ZNF385D: variants seen among roughly 807,000 people sequenced by gnomAD.
The protein encoded by ZNF385D is zinc finger protein 385D.
Under a neutral mutation model 35.8 loss-of-function variants are expected in ZNF385D, and 15 were observed. The ratio of observed to expected loss-of-function variants is 0.42; its 90% CI spans 0.28 to 0.64. The LOEUF (loss-of-function observed/expected upper bound fraction) is 0.64. Ranked by LOEUF, ZNF385D falls within the 30% of genes least tolerant of loss-of-function variation. The probability of loss-of-function intolerance (pLI) is 0.23; values close to 1 mark genes in which losing one functional copy is unlikely to be tolerated. For missense variants in ZNF385D, 474 were observed against 494.6 expected (o/e 0.96, Z 0.39); for synonymous variants, 212 against 186.8 (o/e 1.13, Z -1.10).
chr3:22,077,081 A>G (rs760034163), intron 3 of ZNF385D, among the ~76,000 whole-genome samples: 1 of 151,960 alleles, frequency 6.6e-6, no homozygotes, highest in Non-Finnish European at 1.5e-5. Flanking sequence ...CATAATAACC[A>G]TATTTAAGGA....
intron 3 of ZNF385D, among the ~76,000 whole-genome samples, chr3:21,780,012 T>C (rs1260069844): frequency 6.6e-6 from 1 of 151,936 alleles, no homozygotes; most frequent in Non-Finnish European, 1.5e-5. Context: ...TAAAGCAAGA[T>C]GGGAACATCT....
chr3:21,742,401 C>A (rs1293156546), intron 1 of ZNF385D, among the ~76,000 whole-genome samples: 1 of 152,186 alleles, frequency 6.6e-6, no homozygotes, highest in African/African-American at 2.4e-5. Flanking sequence ...AATACTCTCC[C>A]ATTTAAATTG....
intron 3 of ZNF385D, among the ~76,000 whole-genome samples, chr3:21,969,531 T>C (rs1703114319): frequency 1.3e-5 from 2 of 152,314 alleles, no homozygotes; most frequent in South Asian, 4.1e-4. Flanking sequence ...CAGTTCTTTA[T>C]AGCATTAGGT....
chr3:21,796,934 C>T (rs1024410098), intron 3 of ZNF385D, among the ~76,000 whole-genome samples: 2 of 152,172 alleles, frequency 1.3e-5, no homozygotes, highest in South Asian at 2.1e-4. Flanking sequence ...GATCCTTCCC[C>T]CTGCCCATAC....
At chr3:21,784,989 T>A (rs143795833) in intron 3 of ZNF385D, among the ~76,000 whole-genome samples, 306 of 152,264 alleles carry the variant, frequency 2.0e-3, no homozygotes, top group African/African-American at 7.0e-3. Context: ...TTAAATGCTA[T>A]CTGAGGCAGG....
intron 3 of ZNF385D, among the ~76,000 whole-genome samples, chr3:21,845,143 T>G (rs1695924318): frequency 6.6e-6 from 1 of 151,982 alleles, no homozygotes; most frequent in Non-Finnish European, 1.5e-5. Context: ...AGTCATTTAT[T>G]CTCTAGTCTA....
Position 21,482,371 on chromosome 3 carries a change from C to G in ZNF385D, c.439+28490G>C, listed in dbSNP as rs566518716. Among the ~76,000 whole-genome samples the G allele has an allele frequency of 3.7e-4, 56 of 152,284 alleles. 1 individual carries two copies. The Middle Eastern group carries it at 0.014, about 37-fold the overall frequency. ...TGTATGATCTAAGGCTGCTTTTGCA[C>G]TACAATGGCAGAATCAGTAACTCTG... is the stretch of plus-strand genomic sequence containing the variant. On this transcript the variant is annotated intron_variant, in intron 4 of 7. Transcript: ENST00000281523.
chr3:22,212,135 T>G (rs1697563242), intron 2 of ZNF385D, among the ~76,000 whole-genome samples: 1 of 151,960 alleles, frequency 6.6e-6, no homozygotes, highest in Non-Finnish European at 1.5e-5. Flanking sequence ...TGTCAAAAAG[T>G]TGGGCAGTTT....
At chr3:22,179,386 G>T (rs1182643979) in intron 2 of ZNF385D, among the ~76,000 whole-genome samples, 4 of 152,298 alleles carry the variant, frequency 2.6e-5, no homozygotes, top group African/African-American at 7.2e-5. Context: ...GCTCTCTTGT[G>T]TGTCTGTTAT....
In ZNF385D at chr3:22,232,464, C is replaced by T. The variant is rs189901144; in HGVS notation, c.107-63429G>A. ...GTTTTGTTACATAGGTATACATACA[C>T]GTGCCATGGTGGTTTGTTGCACCCA... is the stretch of plus-strand genomic sequence containing the variant. On this transcript the variant is annotated intron_variant, in intron 2 of 5. Transcript: ENST00000494108. 3.5e-4 allele frequency among the ~76,000 whole-genome samples: 53 copies of T among 152,062 alleles called. 1 individual carries two copies. In the East Asian group the frequency reaches 7.2e-3, roughly 21 times the overall value.
chr3:21,479,048 G>C (rs951205828), intron 4 of ZNF385D, among the ~76,000 whole-genome samples: 1 of 102,784 alleles, frequency 9.7e-6, no homozygotes, highest in Non-Finnish European at 2.0e-5. Flanking sequence ...GTAAATATTG[G>C]GTATATATAT....
At chr3:22,359,510 A>G (rs900697207) in intron 2 of ZNF385D, among the ~76,000 whole-genome samples, 1 of 151,916 alleles carries the variant, frequency 6.6e-6, no homozygotes, top group Admixed American at 6.6e-5. Context: ...TAACAATACT[A>G]ATGACAGGAC....
intron 4 of ZNF385D, among the ~76,000 whole-genome samples, chr3:21,437,993 A>G (rs1352552052): frequency 6.6e-6 from 1 of 152,110 alleles, no homozygotes; most frequent in African/African-American, 2.4e-5. Context: ...TTAAGAGTTA[A>G]ATGATCATGA....
intron 3 of ZNF385D, among the ~76,000 whole-genome samples, chr3:21,898,194 T>G (rs1463060710): frequency 6.6e-6 from 1 of 152,160 alleles, no homozygotes; most frequent in Non-Finnish European, 1.5e-5. Flanking sequence ...AATAAGGAGA[T>G]AAAATTACAT....
intron 3 of ZNF385D, among the ~76,000 whole-genome samples, chr3:21,968,451 G>T (rs1229185478): frequency 6.6e-6 from 1 of 152,114 alleles, no homozygotes; most frequent in African/African-American, 2.4e-5. Context: ...GGGAGTGCTT[G>T]AGTCATCCCT....
intron 3 of ZNF385D, among the ~76,000 whole-genome samples, chr3:21,969,134 A>C (rs1292080800): frequency 6.6e-6 from 1 of 152,106 alleles, no homozygotes; most frequent in African/African-American, 2.4e-5. Flanking sequence ...CTCTGCTTGT[A>C]AAATGGGGAG....
At chr3:21,766,298 T>C (rs1453909817) in intron 3 of ZNF385D, among the ~76,000 whole-genome samples, 1 of 152,150 alleles carries the variant, frequency 6.6e-6, no homozygotes, top group African/African-American at 2.4e-5. Flanking sequence ...TATGTTTTGA[T>C]GGTCAAACGT....
intron 2 of ZNF385D, among the ~76,000 whole-genome samples, chr3:22,197,472 A>G (rs185683829): frequency 2.3e-4 from 35 of 152,144 alleles, no homozygotes; most frequent in African/African-American, 8.4e-4. Flanking sequence ...CGACTCATCT[A>G]TATTTGATTT....
chr3:22,363,330 C>T (rs1047084813), intron 2 of ZNF385D, among the ~76,000 whole-genome samples: 4 of 152,074 alleles, frequency 2.6e-5, no homozygotes, highest in African/African-American at 4.8e-5. Flanking sequence ...CTCACTGACC[C>T]GCACCCACTG....
Sources: allele counts gnomAD v4.1 joint callset (sites outside exome capture counted in the v4.1 genomes callset), GRCh38; gene constraint gnomAD v4.1.1; transcripts MANE v1.5; gene names NCBI Gene and HGNC (gene_info 2026-07-23, HGNC 2026-07-21).